The following DLGAP2 variants were observed in gnomAD, a reference collection of about 807,000 sequenced individuals.
The protein encoded by DLGAP2 is DLG associated protein 2.
In DLGAP2, 26 loss-of-function variants were observed where a neutral mutation model predicts 100.3. The observed-to-expected ratio is 0.26, with a 90% confidence interval of 0.19 to 0.36. The LOEUF (loss-of-function observed/expected upper bound fraction) is 0.36, where lower values mean the gene tolerates loss of function less well. Ranked by LOEUF, DLGAP2 falls within the 10% of genes least tolerant of loss-of-function variation. The pLI is 1.00. For missense variants in DLGAP2, 1,858 were observed against 1,453.2 expected, an observed-to-expected ratio of 1.28 and a Z score of -4.53; for synonymous variants, 886 against 630.1, an observed-to-expected ratio of 1.41 and a Z score of -6.08.
At chr8:1,697,971 A>G (rs1799447619) in intron 14 of DLGAP2, among the ~76,000 whole-genome samples, 1 of 152,250 alleles carries the variant, frequency 6.6e-6, no homozygotes, top group African/African-American at 2.4e-5. Context: ...AGACGTCCTG[A>G]GGAACCATAA....
chr8:1,158,400 T>C (rs1796832109), intron 2 of DLGAP2, among the ~76,000 whole-genome samples: 1 of 152,242 alleles, frequency 6.6e-6, no homozygotes, highest in Non-Finnish European at 1.5e-5. Flanking sequence ...GAAGATGTTT[T>C]ATTGACTTAT....
intron 2 of DLGAP2, among the ~76,000 whole-genome samples, chr8:923,301 A>G (rs960916166): frequency 6.6e-5 from 10 of 152,202 alleles, no homozygotes; most frequent in Non-Finnish European, 1.3e-4. Context: ...GTCTTGGCAG[A>G]TAAGCTTTCT....
At chr8:1,019,661 G>A (rs1031244001) in intron 2 of DLGAP2, 3 of 152,126 alleles carry the variant, frequency 2.0e-5, no homozygotes, top group Non-Finnish European at 4.4e-5. Context: ...ATATTTTTCA[G>A]GGTTTGCTTT....
At chr8:949,890 T>TAAAA (rs1195049187) in intron 2 of DLGAP2, among the ~76,000 whole-genome samples, 1 of 152,042 alleles carries the variant, frequency 6.6e-6, no homozygotes, top group Non-Finnish European at 1.5e-5. Flanking sequence ...GGCAGATGAG[T>TAAAA]AAAAATAGCG....
At chr8:944,327 G>C (rs558976008) in intron 2 of DLGAP2, among the ~76,000 whole-genome samples, 1 of 152,038 alleles carries the variant, frequency 6.6e-6, no homozygotes, top group Non-Finnish European at 1.5e-5. Flanking sequence ...ACCAGTCCAT[G>C]TGGGTGATCC....
At chr8:1,302,618 C>G (rs1800383284) in intron 3 of DLGAP2, 1 of 152,282 alleles carries the variant, frequency 6.6e-6, no homozygotes, top group African/African-American at 2.4e-5. Context: ...TGTAGGTTCC[C>G]GAGCCCTGCT....
At chr8:1,244,775 C>A (rs1228930455) in intron 2 of DLGAP2, among the ~76,000 whole-genome samples, 3 of 152,162 alleles carry the variant, frequency 2.0e-5, no homozygotes, top group African/African-American at 4.8e-5. Context: ...AAAAAGTAAA[C>A]CAGTTGAGCT....
chr8:1,249,473 A>G (rs1424750436), intron 2 of DLGAP2, among the ~76,000 whole-genome samples: 1 of 152,222 alleles, frequency 6.6e-6, no homozygotes, highest in African/African-American at 2.4e-5. Flanking sequence ...TCATGTTCTC[A>G]TAAAAAGCTA....
At chr8:1,265,427 A>G (rs2116918264) in intron 3 of DLGAP2, among the ~76,000 whole-genome samples, 1 of 152,322 alleles carries the variant, frequency 6.6e-6, no homozygotes, top group African/African-American at 2.4e-5. Flanking sequence ...TAAAAAATAT[A>G]AAGGGAAATA....
In DLGAP2 at chr8:1,108,881, T is replaced by C. The variant is rs1202734559; in HGVS notation, c.74-149970T>C. On this transcript the variant is annotated intron_variant, in intron 2 of 14. Transcript: ENST00000637795. ...TGTGCACGGGTCTGTGAGATGTGCA[T>C]GGGTCTGTGAGGTGTGCACGTGCCT... Among the ~76,000 whole-genome samples, 135 of 124,196 alleles carry C rather than the reference T, an allele frequency of 1.1e-3. 1 individual carries two copies. Among genetic ancestry groups the C allele is most frequent in the Non-Finnish European group, 1.1e-3 (68 of 59,528 alleles). 81.5% of individuals were successfully genotyped at this position (124,196 alleles called of 152,430 possible).
At chr8:1,567,682 G>A (rs1465694964) in intron 6 of DLGAP2, among the ~76,000 whole-genome samples, 1 of 152,088 alleles carries the variant, frequency 6.6e-6, no homozygotes, top group African/African-American at 2.4e-5. Context: ...TCCTGTACGA[G>A]GCTCCAGTAC....
At chr8:1,675,828 G>GC (rs1446224637) in intron 10 of DLGAP2, among the ~76,000 whole-genome samples, 1 of 140,504 alleles carries the variant, frequency 7.1e-6, no homozygotes, top group African/African-American at 2.6e-5. Flanking sequence ...GTTTGGTTTT[G>GC]TTTTTTTTTT....
At chr8:1,026,078 C>T (rs1161867210) in intron 2 of DLGAP2, among the ~76,000 whole-genome samples, 1 of 152,236 alleles carries the variant, frequency 6.6e-6, no homozygotes, top group African/African-American at 2.4e-5. Flanking sequence ...GTCCCGGCTT[C>T]CAGGAGCCCT....
At chr8:1,626,130 C>G (rs1207442855) in intron 6 of DLGAP2, among the ~76,000 whole-genome samples, 3 of 147,822 alleles carry the variant, frequency 2.0e-5, no homozygotes, top group Admixed American at 2.0e-4. Flanking sequence ...CACCTCTGCC[C>G]TGTGGCGGGT....
chr8:1,645,492 T>A (rs1189754299), intron 8 of DLGAP2, among the ~76,000 whole-genome samples: 1 of 152,238 alleles, frequency 6.6e-6, no homozygotes, highest in Non-Finnish European at 1.5e-5. Flanking sequence ...TAGTGTATGA[T>A]GGGTTTGTGG....
intron 4 of DLGAP2, among the ~76,000 whole-genome samples, chr8:1,522,637 A>G (rs993545961): frequency 6.6e-6 from 1 of 152,224 alleles, no homozygotes. Context: ...GGACGCCTGT[A>G]AAGTCACCAG....
chr8:1,307,092 A>G (rs183825427), intron 3 of DLGAP2, among the ~76,000 whole-genome samples: 1 of 152,306 alleles, frequency 6.6e-6, no homozygotes, highest in Non-Finnish European at 1.5e-5. Context: ...AGCTGAATGA[A>G]AGGGATGGAA....
intron 9 of DLGAP2, 104 bp downstream of exon 9, chr8:1,668,782 C>T: frequency 9.4e-7 from 1 of 1,060,840 alleles, no homozygotes; most frequent in Non-Finnish European, 1.3e-6. Context: ...TTAGCACTGA[C>T]TGTAACCCCA....
chr8:766,973 C>T (rs1025630456), intron 1 of DLGAP2, among the ~76,000 whole-genome samples: 3 of 152,178 alleles, frequency 2.0e-5, no homozygotes, highest in Admixed American at 2.0e-4. Context: ...CAGCTTCCTC[C>T]TCCTGCGGTG....
Sources: allele counts gnomAD v4.1 joint callset (sites outside exome capture counted in the v4.1 genomes callset), GRCh38; gene constraint gnomAD v4.1.1; transcripts MANE v1.5; gene names NCBI Gene and HGNC (gene_info 2026-07-23, HGNC 2026-07-21).